KIAA0319L: variants seen among roughly 807,000 people sequenced by gnomAD.
KIAA0319L encodes the protein KIAA0319 like.
In KIAA0319L, 55 loss-of-function variants were observed where a neutral mutation model predicts 120.1. The ratio of observed to expected loss-of-function variants is 0.46; its 90% CI spans 0.37 to 0.57. The LOEUF is 0.57. KIAA0319L is among the 20% of genes least tolerant of loss of function. The probability of loss-of-function intolerance (pLI) is 0.00; values close to 1 mark genes in which losing one functional copy is unlikely to be tolerated. For synonymous variants in KIAA0319L, 398 were observed against 471.9 expected (o/e 0.84, Z 2.03); for missense variants, 1,049 against 1,255.3 (o/e 0.84, Z 2.48).
chr1:35,459,180 T>C (rs1215053235), intron 9 of KIAA0319L, among the ~76,000 whole-genome samples: 3 of 151,926 alleles, frequency 2.0e-5, no homozygotes. Flanking sequence ...GAGAACCTCA[T>C]GGAAATTGAG....
At chr1:35,554,757 CTT>C (rs374790287) in intron 1 of KIAA0319L, 2,301 of 220,316 alleles carry the variant, frequency 0.01, no homozygotes, top group Middle Eastern at 0.019. Context: ...CTTTATATTC[CTT>C]TTTTTTTTTT....
intron 3 of KIAA0319L, among the ~76,000 whole-genome samples, chr1:35,492,089 T>C (rs1293315893): frequency 2.6e-5 from 4 of 152,132 alleles, no homozygotes; most frequent in Non-Finnish European, 5.9e-5. Flanking sequence ...ATAATACCAA[T>C]TCTACACAAA....
intron 5 of KIAA0319L, 91 bp from the exon 6 acceptor site, chr1:35,471,051 A>G (rs1643593289): frequency 2.5e-6 from 2 of 802,264 alleles, no homozygotes; most frequent in Admixed American, 3.6e-5. Flanking sequence ...ATCTCTTCTG[A>G]TCTTGACAAG....
At chr1:35,519,896 C>T (rs1272165123) in intron 2 of KIAA0319L, among the ~76,000 whole-genome samples, 1 of 152,086 alleles carries the variant, frequency 6.6e-6, no homozygotes, top group Non-Finnish European at 1.5e-5. Flanking sequence ...ACTCCTTTGC[C>T]CTGGCTATCT....
intron 7 of KIAA0319L, among the ~76,000 whole-genome samples, chr1:35,464,076 A>C (rs1485795093): frequency 2.0e-5 from 3 of 152,162 alleles, no homozygotes; most frequent in African/African-American, 7.2e-5. Context: ...GCATGTCTTT[A>C]TCAGCAGTGT....
chr1:35,549,274 C>G (rs1647107575), intron 2 of KIAA0319L, among the ~76,000 whole-genome samples: 1 of 152,088 alleles, frequency 6.6e-6, no homozygotes, highest in Non-Finnish European at 1.5e-5. Flanking sequence ...TCTTGAACTC[C>G]TGGCCTCGGG....
chr1:35,450,321 C>A (rs536334014), intron 14 of KIAA0319L, 37 bp downstream of exon 14: 2 of 1,591,078 alleles, frequency 1.3e-6, no homozygotes, highest in Admixed American at 1.7e-5. Context: ...TCCTCCTCCC[C>A]ACTCCTGTGT....
At chr1:35,455,500 T>C (rs1163513808) in intron 10 of KIAA0319L, among the ~76,000 whole-genome samples, 2 of 152,226 alleles carry the variant, frequency 1.3e-5, no homozygotes, top group East Asian at 3.9e-4. Context: ...TTCTAAATAG[T>C]TTGACTCTCT....
intron 2 of KIAA0319L, among the ~76,000 whole-genome samples, chr1:35,539,061 GTC>G (rs1340215665): frequency 6.6e-6 from 1 of 152,034 alleles, no homozygotes; most frequent in African/African-American, 2.4e-5. Context: ...GTTCTTCAGT[GTC>G]TCTCTCTTTC....
intron 14 of KIAA0319L, 40 bp downstream of exon 14, chr1:35,450,318 C>T (rs1641961539): frequency 6.3e-7 from 1 of 1,588,766 alleles, no homozygotes; most frequent in South Asian, 1.1e-5. Context: ...TCCTCCTCCT[C>T]CCCACTCCTG....
At chr1:35,499,702 A>T (rs549599315) in intron 3 of KIAA0319L, among the ~76,000 whole-genome samples, 6 of 151,954 alleles carry the variant, frequency 3.9e-5, no homozygotes, top group Non-Finnish European at 7.4e-5. Flanking sequence ...GGTAGCTATG[A>T]AGGGAAAAAA....
At chr1:35,548,495 G>A (rs764664930) in intron 2 of KIAA0319L, among the ~76,000 whole-genome samples, 12 of 151,928 alleles carry the variant, frequency 7.9e-5, no homozygotes, top group Middle Eastern at 6.8e-3. Context: ...CAAATCCCTC[G>A]GGCATGAAAA....
chr1:35,455,967 C>T, intron 10 of KIAA0319L, 46 bp downstream of exon 10: 1 of 1,428,426 alleles, frequency 7.0e-7, no homozygotes, highest in Non-Finnish European at 9.7e-7. Context: ...AGTCCAGCAG[C>T]TCTACTTCTC....
intron 2 of KIAA0319L, among the ~76,000 whole-genome samples, chr1:35,518,967 G>C (rs1645797071): frequency 7.6e-6 from 1 of 131,390 alleles, no homozygotes; most frequent in African/African-American, 2.9e-5. Context: ...TCAAGAGCAA[G>C]ACTCTGTCTC....
intron 12 of KIAA0319L, among the ~76,000 whole-genome samples, chr1:35,452,373 C>T (rs1642127431): frequency 1.3e-5 from 2 of 152,228 alleles, no homozygotes; most frequent in Non-Finnish European, 2.9e-5. Flanking sequence ...GCCTCAGAGA[C>T]TTGCCTGCAG....
At chr1:35,436,837 C>T (rs983945999) in intron 20 of KIAA0319L, among the ~76,000 whole-genome samples, 1 of 152,148 alleles carries the variant, frequency 6.6e-6, no homozygotes. Flanking sequence ...TCCAGACTCC[C>T]GCGCACACAC....
At chr1:35,556,488 T>G (rs1648075192) in intron 1 of KIAA0319L, 1 of 152,258 alleles carries the variant, frequency 6.6e-6, no homozygotes, top group African/African-American at 2.4e-5. Context: ...TTGCTTATAT[T>G]TGCAGACACT....
intron 15 of KIAA0319L, among the ~76,000 whole-genome samples, chr1:35,449,023 T>C (rs1008764734): frequency 1.3e-5 from 2 of 152,250 alleles, no homozygotes; most frequent in African/African-American, 4.8e-5. Context: ...CATACTTGAA[T>C]GCACCACTTG....
chr1:35,437,498 A>C lies in KIAA0319L; in HGVS notation c.2963-2417T>G, dbSNP rs1433536375. Among the ~76,000 whole-genome samples, 2 of 152,166 alleles carry C rather than the reference A, an allele frequency of 1.3e-5. No homozygotes were observed. The highest frequency in any genetic ancestry group is 2.4e-5 in the African/African-American group (1 of 41,434). ...TAGCTTTCACTGCTCAGCTTCTAAA[A>C]GGATTTTTAAATATTCAGGGCCTTC... is the stretch of plus-strand genomic sequence containing the variant. On this transcript the variant is annotated intron_variant, in intron 20 of 20. Coordinates refer to ENST00000325722, the MANE Select transcript of KIAA0319L (RefSeq NM_024874.5). The surrounding 1 kb of genome is among the most constrained non-coding windows in gnomAD (Gnocchi z 4.1).
Sources: allele counts gnomAD v4.1 joint callset (sites outside exome capture counted in the v4.1 genomes callset), GRCh38; gene constraint gnomAD v4.1.1; non-coding constraint Gnocchi (gnomAD v3.1); transcripts MANE v1.5; gene names NCBI Gene and HGNC (gene_info 2026-07-23, HGNC 2026-07-21).